The following POLA1 variants were observed in gnomAD, a reference collection of about 807,000 sequenced individuals.
POLA1 encodes the protein DNA polymerase alpha 1, catalytic subunit.
POLA1 carries 15 observed loss-of-function variants against 124.0 expected under a neutral mutation model. The observed-to-expected ratio is 0.12, with a 90% CI of 0.08 to 0.19. The LOEUF (loss-of-function observed/expected upper bound fraction) is 0.19. Ranked by LOEUF, POLA1 falls within the 10% of genes least tolerant of loss-of-function variation. POLA1 has a pLI of 1.00. For missense variants in POLA1, 886 were observed against 1,103.4 expected, an observed-to-expected ratio of 0.80 and a Z score of 2.79; for synonymous variants, 408 against 389.4, an observed-to-expected ratio of 1.05 and a Z score of -0.56.
At chrX:24,837,630 A>C (rs2046359311) in intron 32 of POLA1, among the ~76,000 whole-genome samples, 1 of 111,954 alleles carries the variant, frequency 8.9e-6, no homozygotes, top group African/African-American at 3.2e-5. Flanking sequence ...TTCAGTTCGC[A>C]TATTGTCCTC....
At chrX:24,984,169 G>A (rs774290953) in intron 36 of POLA1, among the ~76,000 whole-genome samples, 5 of 112,514 alleles carry the variant, frequency 4.4e-5, no homozygotes, top group Non-Finnish European at 9.4e-5. Context: ...GACCCATTTT[G>A]TAATTAGCTT....
intron 34 of POLA1, among the ~76,000 whole-genome samples, chrX:24,864,296 T>C (rs2046761665): frequency 8.9e-6 from 1 of 111,803 alleles, no homozygotes; most frequent in Non-Finnish European, 1.9e-5. Context: ...CTCTTTATTT[T>C]TAATCGTGAT....
intron 4 of POLA1, among the ~76,000 whole-genome samples, chrX:24,709,850 C>T (rs1355629071): frequency 1.6e-5 from 1 of 61,566 alleles, no homozygotes; most frequent in Non-Finnish European, 3.0e-5. Context: ...GGAAGAGGCG[C>T]TCCTCACTTC....
chrX:24,851,484 G>T (rs1310065256), intron 34 of POLA1, among the ~76,000 whole-genome samples: 1 of 112,998 alleles, frequency 8.8e-6, no homozygotes, highest in Non-Finnish European at 1.9e-5. Context: ...TTCGCTATTC[G>T]CATTACAAGC....
rs35938897 is a variant in POLA1, at chrX:24,801,924, G to GGTGTGTGTGTGTGTGTGTGT, written c.2965-7946_2965-7927dup. Among the ~76,000 whole-genome samples, 390 of 74,521 alleles carry GGTGTGTGTGTGTGTGTGTGT rather than the reference G, an allele frequency of 5.2e-3. 8 individuals are homozygous for GGTGTGTGTGTGTGTGTGTGT. Among genetic ancestry groups the GGTGTGTGTGTGTGTGTGTGT allele is most frequent in the African/African-American group, 0.012 (227 of 18,225 alleles). The allele number at this position is 74,521 out of a possible 115,157, so 64.7% of individuals were successfully genotyped here. Reference sequence around the variant, plus strand: ...ACAGAGCCACTAGGAGAGGTGGGTGGGTGTGTGTGTGTGTGTGTGTGTGTG... The same window carrying GGTGTGTGTGTGTGTGTGTGT: ...ACAGAGCCACTAGGAGAGGTGGGTGGGTGTGTGTGTGTGTGTGTGTGTGTGTGTGTGTGTGTGTGTGTGTG... On this transcript the variant is annotated intron_variant, in intron 26 of 36. Transcript: ENST00000379068.
chrX:24,968,505 C>G (rs764567956), intron 36 of POLA1, among the ~76,000 whole-genome samples: 1 of 110,558 alleles, frequency 9.0e-6, no homozygotes, highest in South Asian at 3.9e-4. Context: ...TGAGACCATC[C>G]TGGCTAACAC....
chrX:24,957,582 TAGAGAAGTAC>T (rs757671577), intron 36 of POLA1, among the ~76,000 whole-genome samples: 90 of 111,963 alleles, frequency 8.0e-4, no homozygotes, highest in African/African-American at 2.8e-3. Flanking sequence ...AAGTGACAGA[TAGAGAAGTAC>T]ATATAAAATG....
chrX:24,791,816 G>A (rs772697895), intron 26 of POLA1, among the ~76,000 whole-genome samples: 5 of 112,234 alleles, frequency 4.5e-5, no homozygotes, highest in South Asian at 3.7e-4. Context: ...TCCAAGTTCC[G>A]TGTTGCATAG....
chrX:24,874,182 A>G (rs2046903264), intron 34 of POLA1, among the ~76,000 whole-genome samples: 1 of 112,381 alleles, frequency 8.9e-6, no homozygotes, highest in Non-Finnish European at 1.9e-5. Flanking sequence ...TAGGGTTTAA[A>G]TATATCATTT....
At chrX:24,922,558 T>G (rs2047633912) in intron 35 of POLA1, among the ~76,000 whole-genome samples, 1 of 111,385 alleles carries the variant, frequency 9.0e-6, no homozygotes, top group East Asian at 2.8e-4. Context: ...CACATGTGAG[T>G]GAACCTTTTA....
chrX:24,739,733 C>T (rs1237217887), intron 20 of POLA1, among the ~76,000 whole-genome samples, 183 bp downstream of exon 20: 2 of 112,068 alleles, frequency 1.8e-5, no homozygotes, highest in Admixed American at 1.9e-4. Context: ...CAGTTTATCT[C>T]CGTCTCCCTC....
At chrX:24,871,149 A>G (rs932483072) in intron 34 of POLA1, among the ~76,000 whole-genome samples, 4 of 112,239 alleles carry the variant, frequency 3.6e-5, no homozygotes, top group African/African-American at 1.3e-4. Flanking sequence ...CCTGGCTTCT[A>G]TATGTTTCAC....
chrX:24,953,176 T>C (rs894928880), intron 36 of POLA1, among the ~76,000 whole-genome samples: 3 of 112,072 alleles, frequency 2.7e-5, no homozygotes, highest in African/African-American at 9.7e-5. Flanking sequence ...ACTCCAAAGA[T>C]GTTAGCCCCT....
At chrX:24,831,503 C>T (rs900340187) in intron 32 of POLA1, among the ~76,000 whole-genome samples, 2 of 111,071 alleles carry the variant, frequency 1.8e-5, no homozygotes, top group Admixed American at 1.9e-4. Context: ...TCACTGCAAC[C>T]TCTGCCTCTC....
chrX:24,917,174 C>T (rs931773402), intron 35 of POLA1, among the ~76,000 whole-genome samples: 1 of 110,689 alleles, frequency 9.0e-6, no homozygotes, highest in Non-Finnish European at 1.9e-5. Context: ...TGCCTGTAAT[C>T]CCAGCTACTC....
At chrX:24,903,800 T>C (rs2047315632) in intron 35 of POLA1, among the ~76,000 whole-genome samples, 1 of 111,315 alleles carries the variant, frequency 9.0e-6, no homozygotes, top group Admixed American at 9.6e-5. Context: ...ATAGTTCTTA[T>C]TGTCTCCAAC....
intron 35 of POLA1, among the ~76,000 whole-genome samples, chrX:24,892,842 T>C (rs2047159145): frequency 8.9e-6 from 1 of 111,839 alleles, no homozygotes; most frequent in Non-Finnish European, 1.9e-5. Flanking sequence ...CTAAATTTCT[T>C]GAAGGTCACT....
intron 4 of POLA1, among the ~76,000 whole-genome samples, chrX:24,710,066 G>A (rs1929282620): frequency 9.5e-6 from 1 of 105,799 alleles, no homozygotes; most frequent in Non-Finnish European, 2.0e-5. Context: ...GGGCCCCGTG[G>A]GGCCCGTCCG....
At chrX:24,777,627 G>C (rs1293264812) in intron 26 of POLA1, among the ~76,000 whole-genome samples, 1 of 112,445 alleles carries the variant, frequency 8.9e-6, no homozygotes, top group Non-Finnish European at 1.9e-5. Flanking sequence ...AGTTACAGTA[G>C]AGTAAGAAGT....
Sources: gnomAD v4.1 joint callset for allele counts (sites outside exome capture counted in the v4.1 genomes callset) on GRCh38, gnomAD v4.1.1 for gene constraint, MANE v1.5 for transcripts, NCBI Gene and HGNC (gene_info 2026-07-23, HGNC 2026-07-21) for gene names.